CYFIP2: variants seen among roughly 807,000 people sequenced by gnomAD.
The protein encoded by CYFIP2 is cytoplasmic FMR1 interacting protein 2, also known as cytoplasmic FMR1-interacting protein 2.
Under a neutral mutation model 158.7 loss-of-function variants are expected in CYFIP2, and 29 were observed. That is an observed-to-expected ratio of 0.18 (90% CI 0.14 to 0.25). CYFIP2 has a LOEUF of 0.25. Among genes scored for constraint, CYFIP2 ranks in the 10% least tolerant of loss-of-function variants. The probability of loss-of-function intolerance (pLI) is 1.00; values close to 1 mark genes in which losing one functional copy is unlikely to be tolerated. For missense variants in CYFIP2, 852 were observed against 1,639.5 expected (o/e 0.52, Z 8.29); for synonymous variants, 585 against 617.6 (o/e 0.95, Z 0.78).
chr5:157,331,943 C>T (rs1761495073), intron 20 of CYFIP2, among the ~76,000 whole-genome samples: 3 of 152,202 alleles, frequency 2.0e-5, no homozygotes, highest in South Asian at 4.1e-4. Context: ...GTAATGCCCG[C>T]GTGTACCCCA....
intron 28 of CYFIP2, among the ~76,000 whole-genome samples, chr5:157,385,799 C>T (rs1316857083): frequency 6.6e-6 from 1 of 151,948 alleles, no homozygotes; most frequent in Non-Finnish European, 1.5e-5. Flanking sequence ...TATTCCTTCT[C>T]AAAGTTATAG....
intron 8 of CYFIP2, 104 bp from the exon 9 acceptor site, chr5:157,307,639 GTGTGTGTGTGTGTGTGTA>G (rs1055481690): frequency 6.8e-5 from 39 of 574,434 alleles, no homozygotes; most frequent in Non-Finnish European, 1.0e-4. Flanking sequence ...TCTACAGGGT[GTGTGTGTGTGTGTGTGTA>G]TGTGTGTGTG....
intron 20 of CYFIP2, among the ~76,000 whole-genome samples, chr5:157,332,693 G>C (rs2113188472): frequency 6.6e-6 from 1 of 152,290 alleles, no homozygotes. Context: ...GCTCAGGCTG[G>C]AGTGCAGTGG....
intron 26 of CYFIP2, chr5:157,363,923 T>TC (rs1764090490): frequency 6.6e-6 from 1 of 152,126 alleles, no homozygotes; most frequent in Middle Eastern, 3.1e-3. Flanking sequence ...ATTTCATCCC[T>TC]CAGTGCCCCC....
intron 2 of CYFIP2, among the ~76,000 whole-genome samples, chr5:157,286,579 T>TATATATATATATATATATATATATA: frequency 2.0e-5 from 3 of 148,224 alleles, no homozygotes; most frequent in Admixed American, 6.8e-5. Flanking sequence ...TATATATATA[T>TATATATATATATATATATATATATA]TTAGCCTTTC....
chr5:157,328,639 A>C (rs980703475), intron 19 of CYFIP2, among the ~76,000 whole-genome samples: 2 of 152,230 alleles, frequency 1.3e-5, no homozygotes, highest in Non-Finnish European at 2.9e-5. Flanking sequence ...GCAGGGCCAG[A>C]GCACACCAGC....
At chr5:157,301,739 G>A (rs1467250765) in intron 6 of CYFIP2, among the ~76,000 whole-genome samples, 3 of 152,078 alleles carry the variant, frequency 2.0e-5, no homozygotes, top group African/African-American at 7.2e-5. Flanking sequence ...GACCAGCCTG[G>A]AAACCATAAT....
At chr5:157,312,183 G>A (rs867552846) in intron 11 of CYFIP2, among the ~76,000 whole-genome samples, 6 of 151,772 alleles carry the variant, frequency 4.0e-5, no homozygotes, top group Non-Finnish European at 7.4e-5. Context: ...TACTCATAAC[G>A]CTACCTAAAT....
chr5:157,326,882 G>A (rs780057108), intron 18 of CYFIP2, among the ~76,000 whole-genome samples: 16 of 152,204 alleles, frequency 1.1e-4, no homozygotes, highest in African/African-American at 2.7e-4. Context: ...TGCATACCAC[G>A]TAGGGTGTGA....
intron 2 of CYFIP2, among the ~76,000 whole-genome samples, chr5:157,286,552 G>GTA (rs34826918): frequency 0.045 from 6,173 of 137,956 alleles, 213 homozygotes; most frequent in African/African-American, 0.086. Context: ...GCTATTTTAT[G>GTA]TATATATATA....
chr5:157,297,416 C>T (rs998792233), intron 5 of CYFIP2, among the ~76,000 whole-genome samples: 1 of 152,182 alleles, frequency 6.6e-6, no homozygotes, highest in African/African-American at 2.4e-5. Context: ...GTCTCTGACA[C>T]CTTGGGATTT....
chr5:157,348,603 A>T lies in CYFIP2; in HGVS notation c.2673+7446A>T, dbSNP rs547909690. On this transcript the variant is annotated intron_variant, in intron 23 of 30. Transcript: ENST00000620254. Reference sequence around the variant, plus strand: ...ATTTTTGTATTTTTAGTAGAGACGGAGTTTCACCATGTTGGCCAGGCTGGT... The same window carrying T: ...ATTTTTGTATTTTTAGTAGAGACGGTGTTTCACCATGTTGGCCAGGCTGGT... Among the ~76,000 whole-genome samples the T allele has an allele frequency of 7.9e-5, 12 of 152,124 alleles. No individual in the cohort carries two copies. In the East Asian group the frequency reaches 2.3e-3, roughly 29 times the overall value.
At chr5:157,370,264 C>T (rs1764872970) in intron 26 of CYFIP2, among the ~76,000 whole-genome samples, 1 of 152,164 alleles carries the variant, frequency 6.6e-6, no homozygotes, top group South Asian at 2.1e-4. Flanking sequence ...TTTTCTTGGA[C>T]TAGAGCTGCC....
intron 5 of CYFIP2, among the ~76,000 whole-genome samples, 182 bp from the exon 6 acceptor site, chr5:157,300,533 C>CAAAAAAA (rs72316432): frequency 8.2e-6 from 1 of 121,214 alleles, no homozygotes. Context: ...GACTCCGTCT[C>CAAAAAAA]AAAAAAAAAA....
intron 20 of CYFIP2, 91 bp from the exon 21 acceptor site, chr5:157,333,236 G>A: frequency 1.3e-6 from 2 of 1,544,910 alleles, no homozygotes; most frequent in Non-Finnish European, 1.8e-6. Context: ...CTCCCACCTT[G>A]GTCCCCCAAA....
chr5:157,302,962 G>C, intron 7 of CYFIP2, 72 bp downstream of exon 7: 1 of 1,215,326 alleles, frequency 8.2e-7, no homozygotes, highest in South Asian at 1.5e-5. Context: ...AGGTTGGGTG[G>C]ACCACGAGCC....
chr5:157,286,354 G>GTA (rs1580974061), intron 2 of CYFIP2, among the ~76,000 whole-genome samples: 1 of 149,124 alleles, frequency 6.7e-6, no homozygotes, highest in Non-Finnish European at 1.5e-5. Flanking sequence ...ATGTGTGTGT[G>GTA]TATATATATG....
intron 5 of CYFIP2, among the ~76,000 whole-genome samples, chr5:157,300,134 G>A (rs539697097): frequency 6.6e-6 from 1 of 152,206 alleles, no homozygotes; most frequent in South Asian, 2.1e-4. Context: ...ACTGTCCTAG[G>A]TGCTGGGAAT....
chr5:157,380,015 T>C (rs958304440), intron 26 of CYFIP2: 1 of 152,200 alleles, frequency 6.6e-6, no homozygotes, highest in African/African-American at 2.4e-5. Flanking sequence ...TGCTGATTGA[T>C]CAGGTTGGAG....
Sources: gnomAD v4.1 joint callset for allele counts (sites outside exome capture counted in the v4.1 genomes callset) on GRCh38, gnomAD v4.1.1 for gene constraint, MANE v1.5 for transcripts, NCBI Gene and HGNC (gene_info 2026-07-23, HGNC 2026-07-21) for gene names.